Variants in SS18 observed in about 807,000 individuals in gnomAD.
SS18 encodes the protein SS18 subunit of BAF chromatin remodeling complex, also known as protein SSXT.
A neutral mutation model predicts 72.5 loss-of-function variants in SS18; 28 were observed. The ratio of observed to expected loss-of-function variants is 0.39; its 90% CI spans 0.29 to 0.53. The LOEUF is 0.53. Ranked by LOEUF, SS18 falls within the 20% of genes least tolerant of loss-of-function variation. The pLI, the probability that SS18 is intolerant of heterozygous loss-of-function variation, is 0.76. For synonymous variants in SS18, 172 were observed against 164.2 expected (o/e 1.05, Z -0.37); for missense variants, 518 against 535.3 (o/e 0.97, Z 0.32).
intron 3 of SS18, among the ~76,000 whole-genome samples, chr18:26,075,482 TATA>T (rs1222908443): frequency 1.3e-5 from 2 of 151,948 alleles, no homozygotes; most frequent in South Asian, 2.1e-4. Flanking sequence ...GAAAAAGTCT[TATA>T]ATCATCTCAT....
chr18:26,028,484 C>T (rs1328196275), intron 10 of SS18, among the ~76,000 whole-genome samples: 1 of 152,146 alleles, frequency 6.6e-6, no homozygotes, highest in African/African-American at 2.4e-5. Flanking sequence ...AGAAAAATGT[C>T]CCCAGGGACT....
chr18:26,017,598 C>A lies in SS18; in HGVS notation c.*756G>T. ...TCCAACACAAAGTAATTCTTATTGC[C>A]TCACATTTTAAAACAGTATTATAAA... On this transcript the variant is annotated 3_prime_UTR_variant, in exon 11 of 11. Coordinates refer to ENST00000415083, the MANE Select transcript of SS18 (RefSeq NM_001007559.3). The A allele has an allele frequency of 4.9e-6, 1 of 203,186 alleles. No individual in the cohort carries two copies. The highest frequency in any genetic ancestry group is 1.0e-5 in the Non-Finnish European group (1 of 98,766). 12.6% of individuals were successfully genotyped at this position (203,186 alleles called of 1,614,324 possible).
At chr18:26,072,478 T>C (rs2054328934) in intron 3 of SS18, among the ~76,000 whole-genome samples, 1 of 152,044 alleles carries the variant, frequency 6.6e-6, no homozygotes, top group African/African-American at 2.4e-5. Flanking sequence ...TAATATCAGA[T>C]AAAGTAGACT....
intron 3 of SS18, among the ~76,000 whole-genome samples, chr18:26,060,798 A>AAAAAAAAAAAAAAAG: frequency 7.4e-6 from 1 of 134,928 alleles, no homozygotes; most frequent in Non-Finnish European, 1.6e-5. Context: ...AAAAAAAAAA[A>AAAAAAAAAAAAAAAG]AAAAAAAATC....
intron 2 of SS18, chr18:26,084,135 C>T (rs2144176538): frequency 6.6e-6 from 1 of 152,088 alleles, no homozygotes; most frequent in East Asian, 1.9e-4. Context: ...ATAATGAAGA[C>T]ATATCAAGAA....
At chr18:26,052,246 T>C (rs1251132275) in intron 5 of SS18, among the ~76,000 whole-genome samples, 2 of 152,186 alleles carry the variant, frequency 1.3e-5, no homozygotes, top group East Asian at 1.9e-4. Context: ...TCAGAAAACA[T>C]CCATATAAAT....
At chr18:26,090,681 G>T (rs1450499695), upstream of SS18, 6 of 1,150,196 alleles carry the variant, frequency 5.2e-6, no homozygotes, top group African/African-American at 4.6e-5. Flanking sequence ...GGGGAGGGGG[G>T]ATGCTCCGGG....
intron 1 of SS18, among the ~76,000 whole-genome samples, chr18:26,088,883 G>GAA (rs144938257): frequency 6.8e-6 from 1 of 147,010 alleles, no homozygotes; most frequent in African/African-American, 2.5e-5. Context: ...CTTACTGGGG[G>GAA]AAAAAAAAAA....
intron 7 of SS18, among the ~76,000 whole-genome samples, chr18:26,038,048 C>A (rs2053654939): frequency 6.6e-6 from 1 of 152,020 alleles, no homozygotes; most frequent in South Asian, 2.1e-4. Flanking sequence ...ATTTAGTCTC[C>A]CAAATTTTTC....
At chr18:26,047,528 A>T (rs569923367) in intron 5 of SS18, among the ~76,000 whole-genome samples, 1 of 152,278 alleles carries the variant, frequency 6.6e-6, no homozygotes, top group South Asian at 2.1e-4. Flanking sequence ...CTATCACTAA[A>T]ACAAACTATT....
chr18:26,066,579 A>C (rs1423044851), intron 3 of SS18, among the ~76,000 whole-genome samples: 3 of 148,662 alleles, frequency 2.0e-5, no homozygotes, highest in African/African-American at 7.6e-5. Flanking sequence ...CGCTGATTTT[A>C]ATATAGTTCT....
At chr18:26,031,519 A>G (rs2053542089) in intron 10 of SS18, among the ~76,000 whole-genome samples, 2 of 152,258 alleles carry the variant, frequency 1.3e-5, no homozygotes, top group Admixed American at 6.5e-5. Flanking sequence ...AAAAGTGCAG[A>G]CAAACCTGAA....
intron 10 of SS18, among the ~76,000 whole-genome samples, chr18:26,019,463 A>G (rs1197059525): frequency 4.6e-5 from 7 of 152,158 alleles, no homozygotes; most frequent in Admixed American, 4.6e-4. Flanking sequence ...AATACACATG[A>G]TAATGTGTTG....
intron 5 of SS18, among the ~76,000 whole-genome samples, chr18:26,039,976 G>A (rs75101433): frequency 0.051 from 7,818 of 152,140 alleles, 396 homozygotes; most frequent in East Asian, 0.15. Context: ...TACAAACACC[G>A]AATATAATTT....
intron 5 of SS18, among the ~76,000 whole-genome samples, chr18:26,046,986 T>A (rs969959212): frequency 6.6e-6 from 1 of 152,160 alleles, no homozygotes; most frequent in Non-Finnish European, 1.5e-5. Context: ...GAAATTCAAA[T>A]GGTGGTGCTG....
chr18:26,034,738 C>T (rs547391549), intron 9 of SS18, among the ~76,000 whole-genome samples: 30 of 152,240 alleles, frequency 2.0e-4, no homozygotes, highest in East Asian at 5.8e-4. Context: ...ATGACAAATA[C>T]ATCTGATAAT....
chr18:26,089,121 T>C (rs1276323096), intron 1 of SS18, among the ~76,000 whole-genome samples: 3 of 152,244 alleles, frequency 2.0e-5, no homozygotes, highest in African/African-American at 4.8e-5. Flanking sequence ...AGAGCCCATT[T>C]TTCTGTTCAG....
chr18:26,063,868 ATAAT>A (rs750428042), intron 3 of SS18, among the ~76,000 whole-genome samples: 7 of 152,176 alleles, frequency 4.6e-5, no homozygotes, highest in Non-Finnish European at 1.0e-4. Context: ...GAGAATATTA[ATAAT>A]TAATAACCCT....
At chr18:26,028,859 G>A (rs1598531326) in intron 10 of SS18, among the ~76,000 whole-genome samples, 1 of 152,072 alleles carries the variant, frequency 6.6e-6, no homozygotes, top group Non-Finnish European at 1.5e-5. Context: ...GTGTATATAC[G>A]TGTCAAAAAA....
Sources: allele counts gnomAD v4.1 joint callset (sites outside exome capture counted in the v4.1 genomes callset), GRCh38; gene constraint gnomAD v4.1.1; transcripts MANE v1.5; gene names NCBI Gene and HGNC (gene_info 2026-07-23, HGNC 2026-07-21).